KCNN2: variants seen among roughly 807,000 people sequenced by gnomAD.
KCNN2 encodes the protein potassium calcium-activated channel subfamily N member 2.
In KCNN2, 24 loss-of-function variants were observed where a neutral mutation model predicts 55.5. The observed-to-expected ratio is 0.43, with a 90% CI of 0.31 to 0.61. The LOEUF (loss-of-function observed/expected upper bound fraction) is 0.61, where lower values mean the gene tolerates loss of function less well. Ranked by LOEUF, KCNN2 falls within the 20% of genes least tolerant of loss-of-function variation. KCNN2 has a pLI of 0.08. For synonymous variants in KCNN2, 431 were observed against 336.1 expected, an observed-to-expected ratio of 1.28 and a Z score of -3.09; for missense variants, 754 against 853.6, an observed-to-expected ratio of 0.88 and a Z score of 1.45.
In KCNN2 at chr5:114,462,963, T is replaced by C. The variant is rs1038992999; in HGVS notation, c.1638-86T>C. The C allele has an allele frequency of 3.9e-6, 5 of 1,283,754 alleles. No individual in the cohort carries two copies. The African/African-American group carries it at 7.4e-5, about 19-fold the overall frequency. 79.5% of individuals were successfully genotyped at this position (1,283,754 alleles called of 1,614,324 possible). A position where few individuals can be genotyped will look rare whatever the true frequency, so the allele number is the denominator to read the frequency against. ...ATATAGCAGTTTATAGAAGATACAG[T>C]AAATTCGTTGAATTGAACCAAACCA... On this transcript the variant is annotated intron_variant, in intron 3 of 7. Transcript: ENST00000673685.
intron 2 of KCNN2, among the ~76,000 whole-genome samples, chr5:114,282,528 T>A (rs1050034903): frequency 6.6e-6 from 1 of 152,274 alleles, no homozygotes; most frequent in African/African-American, 2.4e-5. Flanking sequence ...TACTTATATA[T>A]TTTTATGCAA....
intron 3 of KCNN2, among the ~76,000 whole-genome samples, chr5:114,455,009 G>A (rs1373123908): frequency 6.6e-6 from 1 of 151,720 alleles, no homozygotes; most frequent in Non-Finnish European, 1.5e-5. Context: ...CTTTATTTCT[G>A]GCTCTCTTGG....
chr5:114,219,232 A>G (rs1754076934), intron 1 of KCNN2, among the ~76,000 whole-genome samples: 1 of 152,184 alleles, frequency 6.6e-6, no homozygotes, highest in Admixed American at 6.5e-5. Flanking sequence ...TTAAATGTTA[A>G]AAGCTTAGTA....
At chr5:114,075,862 G>T (rs1750676030) in intron 1 of KCNN2, among the ~76,000 whole-genome samples, 1 of 152,180 alleles carries the variant, frequency 6.6e-6, no homozygotes, top group African/African-American at 2.4e-5. Flanking sequence ...GATGATGAAA[G>T]AATACCTGGC....
At position 114,217,112 on chromosome 5, in the gene KCNN2, C is replaced by G. The variant is rs562474942; in HGVS notation, c.-270-4368C>G. Among the ~76,000 whole-genome samples, 98 of 152,160 alleles carry G rather than the reference C, an allele frequency of 6.4e-4. 1 individual carries two copies. The South Asian group carries it at 0.02, about 31-fold the overall frequency. ...AACTTTGATGAAAGAAATCAAATAACTAAATAAATGGAGAGATATTCCATG... is the reference window on the plus strand; with the variant it reads ...AACTTTGATGAAAGAAATCAAATAAGTAAATAAATGGAGAGATATTCCATG... On this transcript the variant is annotated intron_variant, in intron 1 of 10. Transcript: ENST00000512097.
chr5:114,436,542 T>C (rs1760010505), intron 3 of KCNN2, among the ~76,000 whole-genome samples: 2 of 152,230 alleles, frequency 1.3e-5, no homozygotes, highest in Non-Finnish European at 2.9e-5. Flanking sequence ...ACTTTGGCCT[T>C]GCTATTTATT....
Position 114,281,986 on chromosome 5 carries a change from A to T in KCNN2, c.-185+60421A>T, listed in dbSNP as rs1755634441. ...AGTTAGGGTGCTATAGTTTTTATATAATTTTCATTCTCATTTTAAAACACT... is the reference window on the plus strand; with the variant it reads ...AGTTAGGGTGCTATAGTTTTTATATTATTTTCATTCTCATTTTAAAACACT... On this transcript the variant is annotated intron_variant, in intron 2 of 10. Coordinates refer to the KCNN2 transcript ENST00000512097. 2.6e-5 allele frequency among the ~76,000 whole-genome samples: 4 copies of T among 151,966 alleles called. No individual in the cohort carries two copies. The South Asian group carries it at 8.3e-4, about 31-fold the overall frequency.
intron 1 of KCNN2, among the ~76,000 whole-genome samples, chr5:114,134,340 T>G (rs1752126896): frequency 6.6e-6 from 1 of 151,646 alleles, no homozygotes; most frequent in Non-Finnish European, 1.5e-5. Flanking sequence ...AAAACTTTTT[T>G]TTTTCTGGTA....
intron 4 of KCNN2, among the ~76,000 whole-genome samples, chr5:114,467,554 T>C (rs536234693): frequency 1.3e-5 from 2 of 152,244 alleles, no homozygotes; most frequent in South Asian, 4.1e-4. Flanking sequence ...GAGTATATCT[T>C]TAAGTTCTTA....
intron 2 of KCNN2, among the ~76,000 whole-genome samples, chr5:114,400,559 C>A (rs902969002): frequency 6.6e-6 from 1 of 152,330 alleles, no homozygotes; most frequent in Non-Finnish European, 1.5e-5. Flanking sequence ...AGATTGAAAT[C>A]CTGTTTGGAT....
intron 2 of KCNN2, among the ~76,000 whole-genome samples, chr5:114,293,595 A>G (rs538415180): frequency 3.0e-4 from 45 of 152,330 alleles, no homozygotes; most frequent in Non-Finnish European, 4.7e-4. Flanking sequence ...TCAGTTTGCC[A>G]GTATTTTATT....
At chr5:114,281,818 T>A (rs555968582) in intron 2 of KCNN2, among the ~76,000 whole-genome samples, 2 of 152,090 alleles carry the variant, frequency 1.3e-5, no homozygotes, top group Non-Finnish European at 2.9e-5. Context: ...TTAAAGTAAC[T>A]GGATCTGGTG....
At chr5:114,443,735 A>G (rs1282972107) in intron 3 of KCNN2, among the ~76,000 whole-genome samples, 1 of 152,262 alleles carries the variant, frequency 6.6e-6, no homozygotes, top group East Asian at 1.9e-4. Context: ...CACGTGAAAT[A>G]GATGCACGGG....
intron 2 of KCNN2, among the ~76,000 whole-genome samples, chr5:114,292,335 T>C (rs1755908846): frequency 6.6e-6 from 1 of 152,240 alleles, no homozygotes; most frequent in East Asian, 1.9e-4. Flanking sequence ...GTCTAGCATG[T>C]AAGTCTTTAA....
intron 1 of KCNN2, among the ~76,000 whole-genome samples, chr5:114,190,957 G>C (rs1045015888): frequency 1.9e-4 from 29 of 152,064 alleles, no homozygotes; most frequent in African/African-American, 5.3e-4. Context: ...TCTCAAAGTG[G>C]ACTATTAGAC....
intron 2 of KCNN2, among the ~76,000 whole-genome samples, chr5:114,244,890 TTTG>T (rs1487185722): frequency 6.6e-6 from 1 of 152,180 alleles, no homozygotes; most frequent in African/African-American, 2.4e-5. Flanking sequence ...GTGCTTCTCT[TTTG>T]GAGCTTCTAG....
chr5:114,487,004 A>G (rs200091802), intron 5 of KCNN2, 46 bp from the exon 6 acceptor site: 3 of 1,608,982 alleles, frequency 1.9e-6, no homozygotes, highest in Admixed American at 3.4e-5. Flanking sequence ...GTTACAAAGG[A>G]TTCTGCTCTG....
intron 3 of KCNN2, among the ~76,000 whole-genome samples, chr5:114,415,371 A>G (rs895790851): frequency 6.6e-6 from 1 of 152,222 alleles, no homozygotes; most frequent in Non-Finnish European, 1.5e-5. Context: ...GCAATCGGCA[A>G]TGTATGAAGG....
intron 3 of KCNN2, among the ~76,000 whole-genome samples, chr5:114,450,781 G>C (rs1010932366): frequency 6.6e-6 from 1 of 152,120 alleles, no homozygotes; most frequent in African/African-American, 2.4e-5. Context: ...GCTGCCTTGG[G>C]CCAGGGATGC....
Sources: allele counts gnomAD v4.1 joint callset (sites outside exome capture counted in the v4.1 genomes callset), GRCh38; gene constraint gnomAD v4.1.1; transcripts MANE v1.5; gene names NCBI Gene and HGNC (gene_info 2026-07-23, HGNC 2026-07-21).